CADM2: variants seen among roughly 807,000 people sequenced by gnomAD.
CADM2 encodes immunoglobulin superfamily member 4D.
CADM2 carries 12 observed loss-of-function variants against 49.8 expected under a neutral mutation model. The observed-to-expected ratio is 0.24, with a 90% CI of 0.15 to 0.39. The LOEUF (loss-of-function observed/expected upper bound fraction) is 0.39. CADM2 is among the 10% of genes least tolerant of loss of function. The pLI, the probability that CADM2 is intolerant of heterozygous loss-of-function variation, is 1.00. For synonymous variants in CADM2, 214 were observed against 175.4 expected (o/e 1.22, Z -1.74); for missense variants, 378 against 492.3 (o/e 0.77, Z 2.20).
intron 7 of CADM2, among the ~76,000 whole-genome samples, chr3:85,957,146 T>C (rs1385088612): frequency 6.6e-6 from 1 of 151,650 alleles, no homozygotes; most frequent in African/African-American, 2.4e-5. Flanking sequence ...ACGATGTACA[T>C]AGCACAAGAC....
chr3:85,865,166 T>C (rs773933634), intron 3 of CADM2, among the ~76,000 whole-genome samples: 9 of 152,182 alleles, frequency 5.9e-5, no homozygotes, highest in Non-Finnish European at 1.3e-4. Flanking sequence ...ATTCTTAGCT[T>C]ACTTCAAAGA....
chr3:85,811,059 C>A (rs574801095), intron 3 of CADM2, among the ~76,000 whole-genome samples: 50 of 152,212 alleles, frequency 3.3e-4, no homozygotes, highest in Non-Finnish European at 6.5e-4. Context: ...CTGTAAGCAT[C>A]AAGACTGAAA....
At chr3:85,935,928 CTG>C (rs904714353) in intron 7 of CADM2, 71 bp downstream of exon 7, 6 of 802,262 alleles carry the variant, frequency 7.5e-6, no homozygotes, top group Non-Finnish European at 1.2e-5. Context: ...CAGCCTTTAA[CTG>C]TAGAAATCCA....
chr3:86,003,040 AGGAG>A (rs1452500231), intron 8 of CADM2, among the ~76,000 whole-genome samples: 2 of 152,162 alleles, frequency 1.3e-5, no homozygotes, highest in African/African-American at 4.8e-5. Context: ...TCAAGGAGGG[AGGAG>A]GTTGTTCATG....
At chr3:85,974,590 A>G (rs958106463) in intron 8 of CADM2, among the ~76,000 whole-genome samples, 3 of 151,656 alleles carry the variant, frequency 2.0e-5, no homozygotes, top group Non-Finnish European at 4.4e-5. Context: ...TGAATTTATC[A>G]TATTCAAGTT....
intron 1 of CADM2, among the ~76,000 whole-genome samples, chr3:84,988,907 A>G (rs1275722120): frequency 6.6e-6 from 1 of 152,144 alleles, no homozygotes; most frequent in Admixed American, 6.5e-5. Flanking sequence ...AACATTTTTT[A>G]TTTAAAAAAT....
chr3:85,615,276 AAC>A (rs1201394392), intron 1 of CADM2, among the ~76,000 whole-genome samples: 1 of 151,980 alleles, frequency 6.6e-6, no homozygotes, highest in Admixed American at 6.6e-5. Flanking sequence ...GAAGGAAGGA[AAC>A]ACATAGTTCT....
rs146027912 is a variant in CADM2, at chr3:85,551,127, G to A, written c.62-175395G>A. Among the ~76,000 whole-genome samples the A allele has an allele frequency of 2.7e-3, 418 of 152,142 alleles. 1 individual carries two copies. The Middle Eastern group carries it at 0.037, about 14-fold the overall frequency. ...GACTCTCAAGAAGCTGGGACTATAG[G>A]TGTGCACCACCATGCTCAGTTGATT... On this transcript the variant is annotated intron_variant, in intron 1 of 9. Transcript: ENST00000383699.
intron 3 of CADM2, among the ~76,000 whole-genome samples, chr3:85,833,509 C>T (rs1016699086): frequency 6.6e-6 from 1 of 151,658 alleles, no homozygotes; most frequent in Non-Finnish European, 1.5e-5. Context: ...AATTTCAGAA[C>T]CTGATATTGG....
chr3:85,247,059 TA>T (rs201249277), intron 1 of CADM2, among the ~76,000 whole-genome samples: 4 of 151,840 alleles, frequency 2.6e-5, no homozygotes, highest in South Asian at 2.1e-4. Context: ...GGTTAAGATA[TA>T]AAAAAAATTA....
At chr3:85,668,459 A>G (rs999388486) in intron 1 of CADM2, among the ~76,000 whole-genome samples, 1 of 152,078 alleles carries the variant, frequency 6.6e-6, no homozygotes, top group Non-Finnish European at 1.5e-5. Context: ...CCCAAATCTC[A>G]TCTTGAATTG....
At chr3:85,971,661 G>A (rs1336945753) in intron 8 of CADM2, among the ~76,000 whole-genome samples, 1 of 151,578 alleles carries the variant, frequency 6.6e-6, no homozygotes, top group Non-Finnish European at 1.5e-5. Flanking sequence ...GTAGGAAAGG[G>A]CTCACAATAT....
intron 7 of CADM2, 82 bp downstream of exon 7, chr3:85,935,939 C>A: frequency 1.4e-6 from 1 of 722,610 alleles, no homozygotes; most frequent in South Asian, 2.3e-5. Flanking sequence ...TGTAGAAATC[C>A]ACAGTTTGTG....
chr3:85,369,634 A>G (rs1411645915), intron 1 of CADM2, among the ~76,000 whole-genome samples: 1 of 152,190 alleles, frequency 6.6e-6, no homozygotes, highest in East Asian at 1.9e-4. Context: ...CTGTGTATGT[A>G]AAAACTTAGA....
At chr3:85,176,899 A>T (rs928441343) in intron 1 of CADM2, among the ~76,000 whole-genome samples, 1 of 152,212 alleles carries the variant, frequency 6.6e-6, no homozygotes. Context: ...TTTGATGTTA[A>T]AAATAAGTGT....
chr3:85,670,449 A>G lies in CADM2; in HGVS notation c.62-56073A>G, dbSNP rs1026526011. Among the ~76,000 whole-genome samples, 5 of 152,152 alleles carry G rather than the reference A, an allele frequency of 3.3e-5. No homozygotes were observed. The South Asian group carries it at 8.3e-4, about 25-fold the overall frequency. ...CTGCCTTACTCAATAGTCATTAAAC[A>G]TGATTTCAAAATTTTTGCGCTCTGC... On this transcript the variant is annotated intron_variant, in intron 1 of 9. Transcript: ENST00000383699.
At chr3:85,145,071 C>T (rs952110236) in intron 1 of CADM2, among the ~76,000 whole-genome samples, 1 of 152,088 alleles carries the variant, frequency 6.6e-6, no homozygotes, top group African/African-American at 2.4e-5. Flanking sequence ...TCCAATTCTT[C>T]TAGAATGTTT....
At chr3:85,128,689 G>C (rs2039118248) in intron 1 of CADM2, among the ~76,000 whole-genome samples, 1 of 152,054 alleles carries the variant, frequency 6.6e-6, no homozygotes, top group African/African-American at 2.4e-5. Flanking sequence ...TCAGATTTGG[G>C]GTTAGGTTAG....
At chr3:85,901,276 T>TAGAC (rs1716085445) in intron 5 of CADM2, among the ~76,000 whole-genome samples, 1 of 152,186 alleles carries the variant, frequency 6.6e-6, no homozygotes, top group Non-Finnish European at 1.5e-5. Context: ...ATCAAATTGA[T>TAGAC]GTCTTAGTGT....
Sources: gnomAD v4.1 joint callset for allele counts (sites outside exome capture counted in the v4.1 genomes callset) on GRCh38, gnomAD v4.1.1 for gene constraint, MANE v1.5 for transcripts, NCBI Gene and HGNC (gene_info 2026-07-23, HGNC 2026-07-21) for gene names.